KATNIP: variants seen among roughly 807,000 people sequenced by gnomAD.
KATNIP encodes the protein katanin-interacting protein.
A neutral mutation model predicts 174.0 loss-of-function variants in KATNIP; 126 were observed. The ratio of observed to expected loss-of-function variants is 0.72; its 90% CI spans 0.63 to 0.84. The LOEUF (loss-of-function observed/expected upper bound fraction) is 0.84. Among genes scored for constraint, KATNIP ranks in the 40% least tolerant of loss-of-function variants. The pLI, the probability that KATNIP is intolerant of heterozygous loss-of-function variation, is 0.00. For missense variants in KATNIP, 1,958 were observed against 2,109.7 expected (o/e 0.93, Z 1.41); for synonymous variants, 810 against 835.7 (o/e 0.97, Z 0.53).
rs1000806192 is a variant in KATNIP, at chr16:27,695,691, A to T, written c.941-2637A>T. 1.6e-4 allele frequency among the ~76,000 whole-genome samples: 24 copies of T among 152,204 alleles called. 1 individual carries two copies. The highest frequency in any genetic ancestry group is 5.8e-4 in the African/African-American group (24 of 41,456). ...CCAAGAACAGAGCCTGGCACAGATA[A>T]ATATTTCCCCAAGGGTTGAGATTCA... On this transcript the variant is annotated intron_variant, in intron 8 of 27. Coordinates refer to ENST00000261588, the MANE Select transcript of KATNIP (RefSeq NM_015202.5).
intron 1 of KATNIP, among the ~76,000 whole-genome samples, chr16:27,555,742 AG>A (rs2089595242): frequency 6.6e-6 from 1 of 151,984 alleles, no homozygotes. Context: ...GGGCTGAGGC[AG>A]GAGAATCGCT....
At position 27,776,430 on chromosome 16, in the gene KATNIP, T is replaced by A. The variant is rs900808347; in HGVS notation, c.4450-498T>A. On this transcript the variant is annotated intron_variant, in intron 24 of 27. Coordinates refer to ENST00000261588, the MANE Select transcript of KATNIP (RefSeq NM_015202.5). The surrounding 1 kb of genome is among the most constrained non-coding windows in gnomAD (Gnocchi z 4.7). ...GCCCCGATCTAGACAGCCCCCTTTT[T>A]ACTCCCCCAGCGGAGGTTCACAGAC... is the stretch of plus-strand genomic sequence containing the variant. Among the ~76,000 whole-genome samples, 1 of 152,150 alleles carries A rather than the reference T, an allele frequency of 6.6e-6. No individual in the cohort carries two copies.
chr16:27,681,621 C>T (rs1244548036), intron 8 of KATNIP, 91 bp downstream of exon 8: 3 of 1,467,166 alleles, frequency 2.0e-6, no homozygotes, highest in Non-Finnish European at 2.8e-6. Flanking sequence ...ACTTCATTAC[C>T]CTCCTTGCAG....
chr16:27,677,635 G>A, intron 6 of KATNIP, 94 bp from the exon 7 acceptor site: 1 of 1,256,996 alleles, frequency 8.0e-7, no homozygotes, highest in Non-Finnish European at 1.1e-6. Flanking sequence ...TTAGTTTGGG[G>A]AGAATAATTC....
chr16:27,733,734 G>A (rs1442556230), intron 14 of KATNIP, among the ~76,000 whole-genome samples: 1 of 152,184 alleles, frequency 6.6e-6, no homozygotes, highest in East Asian at 1.9e-4. Flanking sequence ...CTGACGACTG[G>A]AGGGGGAGGA....
intron 14 of KATNIP, among the ~76,000 whole-genome samples, chr16:27,723,624 GATGAATGAATGA>G (rs976709636): frequency 1.3e-5 from 2 of 151,756 alleles, no homozygotes; most frequent in African/African-American, 2.4e-5. Context: ...ATACGTGGTT[GATGAATGAATGA>G]ATGAATGAAT....
At chr16:27,603,120 A>G (rs1294444239) in intron 2 of KATNIP, among the ~76,000 whole-genome samples, 2 of 152,220 alleles carry the variant, frequency 1.3e-5, no homozygotes, top group African/African-American at 2.4e-5. Context: ...CAGAAATGCA[A>G]AAGCCTGAAA....
intron 1 of KATNIP, among the ~76,000 whole-genome samples, chr16:27,557,294 A>T (rs1413546117): frequency 2.0e-5 from 3 of 151,996 alleles, no homozygotes; most frequent in Admixed American, 6.6e-5. Context: ...GGCACATGCC[A>T]CCACGCCCAA....
In KATNIP at chr16:27,777,478, A is replaced by T; in HGVS notation, c.4552-132A>T. On this transcript the variant is annotated intron_variant, in intron 25 of 27. Coordinates refer to ENST00000261588, the MANE Select transcript of KATNIP (RefSeq NM_015202.5). This position sits in a 1 kb window ranked among gnomAD's most constrained non-coding sequence, Gnocchi z 4.4. ...AAATCACAAGGCAGACACAGCACAC[A>T]GTAGGCGCTTGTTCCTGACAGCCCC... 1 of 763,202 alleles carries T rather than the reference A, an allele frequency of 1.3e-6. No individual in the cohort carries two copies. The highest frequency in any genetic ancestry group is 2.1e-6 in the Non-Finnish European group (1 of 485,576). 47.3% of individuals were successfully genotyped at this position (763,202 alleles called of 1,614,324 possible).
At chr16:27,717,584 GC>G (rs1231310787) in intron 13 of KATNIP, among the ~76,000 whole-genome samples, 2 of 151,842 alleles carry the variant, frequency 1.3e-5, no homozygotes, top group African/African-American at 4.8e-5. Context: ...CCTTGCACAT[GC>G]CCCGGGTCTG....
intron 8 of KATNIP, among the ~76,000 whole-genome samples, chr16:27,694,372 G>A (rs1156572252): frequency 1.3e-5 from 2 of 152,144 alleles, no homozygotes; most frequent in South Asian, 2.1e-4. Context: ...AGAAAGCCTT[G>A]TACCAGGTCA....
At position 27,578,830 on chromosome 16, in the gene KATNIP, G is replaced by A. The variant is rs561162802; in HGVS notation, c.63+4874G>A. On this transcript the variant is annotated intron_variant, in intron 2 of 27. Coordinates refer to ENST00000261588, the MANE Select transcript of KATNIP (RefSeq NM_015202.5). ...TGCCCTCAAGGGATCCGCCCACCTC[G>A]GCCTTCCAAAGTGCTGGGATTACAG... 4.6e-5 allele frequency among the ~76,000 whole-genome samples: 7 copies of A among 152,048 alleles called. No individual in the cohort carries two copies. In the South Asian group the frequency reaches 1.3e-3, roughly 27 times the overall value.
chr16:27,772,369 G>A (rs992715914), intron 22 of KATNIP, among the ~76,000 whole-genome samples: 1 of 152,234 alleles, frequency 6.6e-6, no homozygotes, highest in African/African-American at 2.4e-5. Context: ...TAGGGCCCAG[G>A]GGAGGTGAAC....
rs901646119 is a variant in KATNIP, at chr16:27,780,227, C to G, written c.*1598C>G. On this transcript the variant is annotated 3_prime_UTR_variant, in exon 28 of 28. Coordinates refer to ENST00000261588, the MANE Select transcript of KATNIP (RefSeq NM_015202.5). ...GGCACTAACACGACACAAGCTCACT[C>G]CCAGAACCGCAGCTGATGTTTATAA... is the stretch of plus-strand genomic sequence containing the variant. The G allele has an allele frequency of 1.3e-5, 2 of 152,108 alleles. No individual in the cohort carries two copies. The highest frequency in any genetic ancestry group is 2.9e-5 in the Non-Finnish European group (2 of 68,036). The allele number at this position is 152,108 out of a possible 1,614,324, so 9.4% of individuals were successfully genotyped here. A position where few individuals can be genotyped will look rare whatever the true frequency, so the allele number is the denominator to read the frequency against.
rs2082531474 is a variant in KATNIP, at chr16:27,777,236, A to G, written c.4551+207A>G. Among the ~76,000 whole-genome samples, 1 of 152,236 alleles carries G rather than the reference A, an allele frequency of 6.6e-6. No individual in the cohort carries two copies. Among genetic ancestry groups the G allele is most frequent in the Non-Finnish European group, 1.5e-5 (1 of 68,046 alleles). ...GATTTCAGTGTCACCCTGAGCAAATAGAAAGTGGGTTTTCTTTCGTCTTTT... is the reference window on the plus strand; with the variant it reads ...GATTTCAGTGTCACCCTGAGCAAATGGAAAGTGGGTTTTCTTTCGTCTTTT... On this transcript the variant is annotated intron_variant, in intron 25 of 27. Transcript: ENST00000261588. This position sits in a 1 kb window ranked among gnomAD's most constrained non-coding sequence, Gnocchi z 4.4.
chr16:27,647,405 G>C (rs1298788392), intron 5 of KATNIP, among the ~76,000 whole-genome samples: 1 of 151,702 alleles, frequency 6.6e-6, no homozygotes, highest in Non-Finnish European at 1.5e-5. Context: ...GCAGTAGTGT[G>C]ATCTTGGCTC....
chr16:27,723,884 A>C (rs1209022743), intron 14 of KATNIP, among the ~76,000 whole-genome samples: 1 of 151,642 alleles, frequency 6.6e-6, no homozygotes, highest in African/African-American at 2.4e-5. Context: ...CTGTCCATCC[A>C]CCTAGTGATC....
Position 27,681,519 on chromosome 16 carries a change from G to C in KATNIP, c.929G>C (p.Arg310Thr). Residue 310 changes from arginine (R) to threonine (T), a missense_variant, in exon 8 of 28, where the codon AGG (arginine) becomes ACG (threonine). Coordinates refer to ENST00000261588, the MANE Select transcript of KATNIP (RefSeq NM_015202.5). ...QAPAVFPDQE[R>T]MCSRPGSRRE... The stretch of plus-strand genomic sequence containing the variant: ...CCTGCTGTATTCCCAGACCAGGAGA[G>C]GATGTGCTCCAGTAAGAGTTCCGGG... 1 of 1,614,190 alleles carries C rather than the reference G, an allele frequency of 6.2e-7. No homozygotes were observed. The highest frequency in any genetic ancestry group is 8.5e-7 in the Non-Finnish European group (1 of 1,180,034).
intron 1 of KATNIP, among the ~76,000 whole-genome samples, chr16:27,569,426 A>T (rs920287219): frequency 2.6e-5 from 4 of 152,184 alleles, no homozygotes; most frequent in African/African-American, 9.7e-5. Flanking sequence ...CCAGACAGAC[A>T]TCTGTTCTAT....
Sources: gnomAD v4.1 joint callset for allele counts (sites outside exome capture counted in the v4.1 genomes callset) on GRCh38, gnomAD v4.1.1 for gene constraint, Gnocchi (gnomAD v3.1) non-coding constraint, MANE v1.5 for transcripts, NCBI Gene and HGNC (gene_info 2026-07-23, HGNC 2026-07-21) for gene names.